Variants in APC2 observed in about 807,000 individuals in gnomAD.
APC2 encodes the protein APC regulator of Wnt signaling pathway 2, also known as adenomatous polyposis coli protein 2.
A neutral mutation model predicts 72.5 loss-of-function variants in APC2; 41 were observed. The observed-to-expected ratio is 0.57, with a 90% CI of 0.44 to 0.73. The LOEUF is 0.73. Ranked by LOEUF, APC2 falls within the 30% of genes least tolerant of loss-of-function variation. The pLI is 0.00. For synonymous variants in APC2, 1,898 were observed against 1,612.0 expected (o/e 1.18, Z -4.25); for missense variants, 3,729 against 3,403.4 (o/e 1.10, Z -2.38).
intron 11 of APC2, 151 bp from the exon 12 acceptor site, chr19:1,460,629 G>A (rs566239160): frequency 3.3e-5 from 31 of 925,626 alleles, no homozygotes; most frequent in African/African-American, 8.4e-5. Context: ...TCAGTTTCCC[G>A]ACCTGAGCAT....
chr19:1,446,923 T>TG (rs995131587), upstream of APC2, among the ~76,000 whole-genome samples: 12 of 152,196 alleles, frequency 7.9e-5, no homozygotes, highest in Admixed American at 3.3e-4. The surrounding 1 kb of genome is among the most constrained non-coding windows in gnomAD (Gnocchi z 6.1). Context: ...AAACTGAGGC[T>TG]GGGGGGTGCA....
intron 4 of APC2, among the ~76,000 whole-genome samples, chr19:1,454,923 A>G (rs1036843092): frequency 6.6e-6 from 1 of 150,544 alleles, no homozygotes; most frequent in Admixed American, 6.6e-5. Context: ...GGGTCTCGCT[A>G]TGTTGCCCAG....
At chr19:1,449,978 C>T (rs1224828662), upstream of APC2, among the ~76,000 whole-genome samples, 1 of 152,154 alleles carries the variant, frequency 6.6e-6, no homozygotes, top group Non-Finnish European at 1.5e-5. Flanking sequence ...GGCCCCTGAG[C>T]CCGCGCGGAG....
intron 5 of APC2, 51 bp downstream of exon 5, chr19:1,455,308 C>G (rs1569142581): frequency 6.3e-7 from 1 of 1,580,404 alleles, no homozygotes; most frequent in South Asian, 1.1e-5. Context: ...ACTCAGGGTG[C>G]GGGAAGCGGC....
At position 1,462,157 on chromosome 19, in the gene APC2, C is replaced by T. The variant is rs886101537; in HGVS notation, c.1833C>T (p.Val611=). 5.0e-6 allele frequency: 8 copies of T among 1,604,838 alleles called. No homozygotes were observed. Among genetic ancestry groups the T allele is most frequent in the Non-Finnish European group, 5.9e-6 (7 of 1,177,326 alleles). ...GGILRNVSSL[V]ATREDYRQVL... ...TCCTCCGCAATGTGTCCAGCCTCGT[C>T]GCCACCCGTGAGGACTACAGGTCGG... The change falls in exon 14 of 15, where the codon GTC becomes GTT. Residue 611 remains valine, a synonymous_variant. Coordinates refer to ENST00000590469, the MANE Select transcript of APC2 (RefSeq NM_005883.3).
In APC2 at chr19:1,456,148, C is replaced by G; in HGVS notation, c.712C>G (p.Pro238Ala). The G allele has an allele frequency of 6.3e-7, 1 of 1,588,316 alleles. No homozygotes were observed. The highest frequency in any genetic ancestry group is 8.5e-7 in the Non-Finnish European group (1 of 1,169,864). The change falls in exon 7 of 15, where the codon CCC becomes GCC. Residue 238 changes from proline (P) to alanine (A), a missense_variant. By Grantham distance (27) the Pro-to-Ala change is conservative (BLOSUM62 -1). Coordinates refer to ENST00000590469, the MANE Select transcript of APC2 (RefSeq NM_005883.3). ...EAQDRVQQTEPQALLAVKSVP... is the reference protein window; with the variant it reads ...EAQDRVQQTEAQALLAVKSVP... ...GCAGGACCGAGTGCAGCAGACGGAG[C>G]CCCAGGTACCGGGTGGGGCAGAGCC...
At position 1,467,665 on chromosome 19, in the gene APC2, C is replaced by A. The variant is rs977847550; in HGVS notation, c.4364C>A (p.Ser1455Tyr). 3.0e-5 allele frequency: 44 copies of A among 1,480,372 alleles called. No individual in the cohort carries two copies. In the African/African-American group the frequency reaches 5.7e-4, roughly 19 times the overall value. The allele number at this position is 1,480,372 out of a possible 1,614,324, so 91.7% of individuals were successfully genotyped here. A position where few individuals can be genotyped will look rare whatever the true frequency, so the allele number is the denominator to read the frequency against. The change falls in exon 15 of 15, where the codon TCT (serine) becomes TAT (tyrosine). Residue 1455 changes from serine to tyrosine, a missense_variant. Ser to Tyr is a moderately radical substitution (Grantham distance 144). Transcript: ENST00000590469. Reference sequence around the variant, plus strand: ...GGCGCCGGCCGCAGCGCGGAGCAGTCTCGGGGCGCGGGCAAGAACAGAGCA... The same window carrying A: ...GGCGCCGGCCGCAGCGCGGAGCAGTATCGGGGCGCGGGCAAGAACAGAGCA... ...AGGAGRSAEQSRGAGKNRAGL... is the reference protein window; with the variant it reads ...AGGAGRSAEQYRGAGKNRAGL...
Position 1,467,228 on chromosome 19 carries a change from G to C in APC2, c.3927G>C (p.Gly1309=). 1 of 1,370,974 alleles carries C rather than the reference G, an allele frequency of 7.3e-7. No homozygotes were observed. Among genetic ancestry groups the C allele is most frequent in the African/African-American group, 1.5e-5 (1 of 66,548 alleles). The allele number at this position is 1,370,974 out of a possible 1,614,324, so 84.9% of individuals were successfully genotyped here. The change falls in exon 15 of 15, where the codon GGG becomes GGC. Residue 1309 remains glycine (G), a synonymous_variant. Transcript: ENST00000590469. The part of the protein sequence containing the change: ...SACPERGGGA[G]GAGLHFAGHR... ...GCCCCGAGCGCGGCGGGGGCGCCGG[G>C]GGCGCCGGCCTCCACTTTGCAGGGC...
intron 13 of APC2, 176 bp from the exon 14 acceptor site, chr19:1,461,787 G>T: frequency 1.7e-6 from 1 of 597,738 alleles, no homozygotes; most frequent in Non-Finnish European, 2.9e-6. Context: ...GGGAGTCGGA[G>T]CCTGCAGTGA....
chr19:1,455,990 C>G (rs1161967888), intron 6 of APC2, 86 bp from the exon 7 acceptor site: 2 of 1,133,320 alleles, frequency 1.8e-6, no homozygotes, highest in Admixed American at 6.0e-5. Flanking sequence ...GGTCAGAGCC[C>G]AGGGTGGGGT....
Position 1,468,494 on chromosome 19 carries a change from G to GC in APC2, c.5199dup (p.Lys1734GlnfsTer419), listed in dbSNP as rs886040957. 1.2e-6 allele frequency: 2 copies of GC among 1,604,918 alleles called. No homozygotes were observed. The highest frequency in any genetic ancestry group is 8.5e-7 in the Non-Finnish European group (1 of 1,176,836). ...GGCTGTCAGTGGGATCCACCCTACA[G>GC]CCCCCCAAGCACAGGAAGGGACGAC... is the stretch of plus-strand genomic sequence containing the variant. On this transcript the variant is annotated frameshift_variant, in exon 15 of 15. Coordinates refer to ENST00000590469, the MANE Select transcript of APC2 (RefSeq NM_005883.3). LOFTEE classifies it low-confidence loss of function (END_TRUNC).
At position 1,469,732 on chromosome 19, in the gene APC2, C is replaced by T. The variant is rs772028029; in HGVS notation, c.6431C>T (p.Thr2144Met). Residue 2144 changes from threonine (T) to methionine (M), a missense_variant, in exon 15 of 15, where the codon ACG (threonine) becomes ATG (methionine). By Grantham distance (81) the Thr-to-Met change is moderately conservative. Coordinates refer to ENST00000590469, the MANE Select transcript of APC2 (RefSeq NM_005883.3). ...CTCCCCAGGGTGGCCGCGCCGGGCACGACCTGGCGGCGCATCCGAGATGAG... is the reference window on the plus strand; with the variant it reads ...CTCCCCAGGGTGGCCGCGCCGGGCATGACCTGGCGGCGCATCCGAGATGAG... ...RPLPRVAAPG[T>M]TWRRIRDEDV... The T allele has an allele frequency of 1.3e-5, 19 of 1,471,412 alleles. No homozygotes were observed. The South Asian group carries it at 2.1e-4, about 16-fold the overall frequency. 91.1% of individuals were successfully genotyped at this position (1,471,412 alleles called of 1,614,324 possible).
Position 1,469,761 on chromosome 19 carries a change from G to A in APC2, c.6460G>A (p.Val2154Met). 6.6e-7 allele frequency: 1 copy of A among 1,504,480 alleles called. No individual in the cohort carries two copies. Among genetic ancestry groups the A allele is most frequent in the Non-Finnish European group, 8.8e-7 (1 of 1,134,606 alleles). 93.2% of individuals were successfully genotyped at this position (1,504,480 alleles called of 1,614,324 possible). A position where few individuals can be genotyped will look rare whatever the true frequency, so the allele number is the denominator to read the frequency against. ...CTGGCGGCGCATCCGAGATGAGGAC[G>A]TGCCCCACATCCTGCGCAGCACGCT... The part of the protein sequence containing the change: ...TTWRRIRDED[V>M]PHILRSTLPA... The change falls in exon 15 of 15, where the codon GTG (valine) becomes ATG (methionine). Residue 2154 changes from valine to methionine, a missense_variant. Coordinates refer to ENST00000590469, the MANE Select transcript of APC2 (RefSeq NM_005883.3).
intron 14 of APC2, 68 bp from the exon 15 acceptor site, chr19:1,465,087 C>A (rs1297183259): frequency 2.6e-6 from 4 of 1,515,804 alleles, no homozygotes; most frequent in South Asian, 1.2e-5. Context: ...CCACATCTGG[C>A]CCCCCCATCC....
Position 1,456,974 on chromosome 19 carries a change from G to A in APC2, c.938G>A (p.Cys313Tyr), listed in dbSNP as rs1352543397. Reference protein sequence around the residue: ...ESCVAMRRSGCLPLLLQILHG... With the variant: ...ESCVAMRRSGYLPLLLQILHG... ...TGCGTGGCCATGCGCCGCTCGGGCT[G>A]TCTGCCTCTGCTGCTGCAAATCCTC... The change falls in exon 9 of 15, where the codon TGT becomes TAT. Residue 313 changes from cysteine to tyrosine, a missense_variant. Transcript: ENST00000590469. 4 of 1,537,986 alleles carry A rather than the reference G, an allele frequency of 2.6e-6. No homozygotes were observed. The highest frequency in any genetic ancestry group is 3.5e-6 in the Non-Finnish European group (4 of 1,148,210).
In APC2 at chr19:1,468,775, A is replaced by C. The variant is rs1223423142; in HGVS notation, c.5474A>C (p.Gln1825Pro). The C allele has an allele frequency of 6.6e-7, 1 of 1,507,346 alleles. No individual in the cohort carries two copies. The highest frequency in any genetic ancestry group is 8.9e-7 in the Non-Finnish European group (1 of 1,128,710). 93.4% of individuals were successfully genotyped at this position (1,507,346 alleles called of 1,614,324 possible). The change falls in exon 15 of 15, where the codon CAG becomes CCG. Residue 1825 changes from glutamine (Q) to proline (P), a missense_variant. Gln to Pro is a moderately conservative substitution (Grantham distance 76, BLOSUM62 -1). Transcript: ENST00000590469. ...AAGGTGGCGCCCCCTTGCCTGGCACAGCCCGCGGCTCCAGCCAAAGTCCCG... is the reference window on the plus strand; with the variant it reads ...AAGGTGGCGCCCCCTTGCCTGGCACCGCCCGCGGCTCCAGCCAAAGTCCCG... Reference protein sequence around the residue: ...PRKVAPPCLAQPAAPAKVPSP... With the variant: ...PRKVAPPCLAPPAAPAKVPSP...
In APC2 at chr19:1,466,288, C is replaced by A; in HGVS notation, c.2987C>A (p.Ser996Ter). 3 of 1,535,672 alleles carry A rather than the reference C, an allele frequency of 2.0e-6. No individual in the cohort carries two copies. Among genetic ancestry groups the A allele is most frequent in the Admixed American group, 2.0e-5 (1 of 49,164 alleles). Residue 996 changes from serine (S) to a stop codon, truncating the protein, a stop_gained, in exon 15 of 15, where the codon TCG becomes TAG. Transcript: ENST00000590469. LOFTEE classifies it low-confidence loss of function (END_TRUNC). ...ADARVRTIKL[S>*]PTYQHVPLLE... is the part of the protein sequence containing the mutation. ...GCCCGCGTGCGCACCATCAAGCTGT[C>A]GCCTACCTATCAGCACGTGCCACTG... is the stretch of plus-strand genomic sequence containing the variant.
In APC2 at chr19:1,466,631, G is replaced by C. The variant is rs1243139280; in HGVS notation, c.3330G>C (p.Leu1110=). Residue 1110 remains leucine (L), a synonymous_variant, in exon 15 of 15, where the codon CTG becomes CTC. Coordinates refer to ENST00000590469, the MANE Select transcript of APC2 (RefSeq NM_005883.3). ...LEEAGPSEAE[L]DSTWRAPGAT... is the part of the protein sequence containing the mutation. ...AGGCCGGCCCCAGCGAGGCTGAGCT[G>C]GACAGCACGTGGCGGGCGCCCGGGG... 1 of 1,511,448 alleles carries C rather than the reference G, an allele frequency of 6.6e-7. No individual in the cohort carries two copies. Among genetic ancestry groups the C allele is most frequent in the Admixed American group, 2.0e-5 (1 of 49,438 alleles). The allele number at this position is 1,511,448 out of a possible 1,614,324, so 93.6% of individuals were successfully genotyped here.
At chr19:1,454,560 G>A (rs886233013) in intron 4 of APC2, among the ~76,000 whole-genome samples, 16 of 100,804 alleles carry the variant, frequency 1.6e-4, no homozygotes, top group African/African-American at 7.0e-4. Flanking sequence ...CTAATCTTTT[G>A]TACTTTTTTT....
Sources: gnomAD v4.1 joint callset for allele counts (sites outside exome capture counted in the v4.1 genomes callset) on GRCh38, gnomAD v4.1.1 for gene constraint, Gnocchi (gnomAD v3.1) non-coding constraint, MANE v1.5 for transcripts, NCBI Gene and HGNC (gene_info 2026-07-23, HGNC 2026-07-21) for gene names.